The following SNF8 variants were observed in gnomAD, a reference collection of about 807,000 sequenced individuals.
SNF8 encodes SNF8 subunit of ESCRT-II.
In SNF8, 19 loss-of-function variants were observed where a neutral mutation model predicts 36.8. The observed-to-expected ratio is 0.52, with a 90% CI of 0.36 to 0.76. The LOEUF (loss-of-function observed/expected upper bound fraction) is 0.76, where lower values mean the gene tolerates loss of function less well. Ranked by LOEUF, SNF8 falls within the 30% of genes least tolerant of loss-of-function variation. The probability of loss-of-function intolerance (pLI) is 0.00; values close to 1 mark genes in which losing one functional copy is unlikely to be tolerated. For missense variants in SNF8, 268 were observed against 322.9 expected (o/e 0.83, Z 1.30); for synonymous variants, 127 against 127.4 (o/e 1.00, Z 0.02).
chr17:48,932,528 C>T (rs2040874582), intron 6 of SNF8: 1 of 152,150 alleles, frequency 6.6e-6, no homozygotes, highest in South Asian at 2.1e-4. Context: ...GGGTGGATCA[C>T]CTGAGGTCGG....
intron 5 of SNF8, chr17:48,933,673 G>A (rs1004151540): frequency 2.2e-5 from 6 of 269,172 alleles, no homozygotes; most frequent in Non-Finnish European, 4.4e-5. Context: ...GTTCAAGGCT[G>A]CAGTGAGCTG....
rs769468017 is a variant in SNF8 at position 48,933,259 on chromosome 17, CTGAA to C, written c.506_509del (p.Ile169SerfsTer24). 2.5e-6 allele frequency: 4 copies of C among 1,614,014 alleles called. No homozygotes were observed. The highest frequency in any genetic ancestry group is 3.3e-5 in the Admixed American group (2 of 59,998). ...CCATATTGAGCTCAGCTGGAACAGACTGAATGAGGTAAGTGCCGCCCACAGGGAT... is the reference window on the plus strand; with the variant it reads ...CCATATTGAGCTCAGCTGGAACAGACTGAGGTAAGTGCCGCCCACAGGGAT... On this transcript the variant is annotated frameshift_variant, in exon 6 of 8. Coordinates refer to ENST00000502492, the MANE Select transcript of SNF8 (RefSeq NM_007241.4). LOFTEE classifies it high-confidence loss of function.
chr17:48,943,820 C>T, intron 2 of SNF8, 105 bp downstream of exon 2: 1 of 1,001,878 alleles, frequency 1.0e-6, no homozygotes, highest in South Asian at 1.3e-5. Context: ...ATTTGCCAAA[C>T]ACCCTATTTC....
chr17:48,935,418 C>T (rs1208714791), intron 5 of SNF8, among the ~76,000 whole-genome samples: 1 of 151,008 alleles, frequency 6.6e-6, no homozygotes, highest in Non-Finnish European at 1.5e-5. Context: ...GAGGCTGAGG[C>T]AGGAGAATGG....
intron 3 of SNF8, 59 bp downstream of exon 3, chr17:48,940,865 G>T: frequency 6.3e-7 from 1 of 1,579,294 alleles, no homozygotes; most frequent in South Asian, 1.1e-5. Flanking sequence ...ACAACTATGT[G>T]AGCTTCTGTT....
At chr17:48,941,686 TA>T (rs1382694511) in intron 2 of SNF8, among the ~76,000 whole-genome samples, 2 of 57,782 alleles carry the variant, frequency 3.5e-5, no homozygotes, top group Non-Finnish European at 1.3e-4. Context: ...AATCAATCAA[TA>T]TTTTTTTTTT....
intron 2 of SNF8, 27 bp from the exon 3 acceptor site, chr17:48,941,089 G>A (rs762838105): frequency 2.1e-5 from 34 of 1,606,372 alleles, no homozygotes; most frequent in Non-Finnish European, 2.8e-5. Context: ...GAGTGGTGAA[G>A]GGCAGCCCAG....
chr17:48,938,372 T>C (rs768967336), intron 3 of SNF8, among the ~76,000 whole-genome samples: 1 of 151,718 alleles, frequency 6.6e-6, no homozygotes, highest in Non-Finnish European at 1.5e-5. Flanking sequence ...GGTGGGCACC[T>C]GTAATCCCAA....
chr17:48,933,153 T>C, intron 6 of SNF8, 52 bp downstream of exon 6: 1 of 1,599,524 alleles, frequency 6.3e-7, no homozygotes, highest in Non-Finnish European at 8.5e-7. Flanking sequence ...GCTCCAGACT[T>C]GCCTCACAGA....
chr17:48,942,471 C>T (rs1188610594), intron 2 of SNF8, among the ~76,000 whole-genome samples: 2 of 152,146 alleles, frequency 1.3e-5, no homozygotes, highest in Non-Finnish European at 2.9e-5. Flanking sequence ...AGCTCACAGC[C>T]CCATTTTCCT....
chr17:48,931,699 CAGTCACGT>C lies in SNF8; in HGVS notation c.575_582del (p.Tyr192CysfsTer3). 6.2e-7 allele frequency: 1 copy of C among 1,613,214 alleles called. No individual in the cohort carries two copies. Among genetic ancestry groups the C allele is most frequent in the Non-Finnish European group, 8.5e-7 (1 of 1,179,600 alleles). The stretch of plus-strand genomic sequence containing the variant: ...TTAAGACTGGCTTTGATCTCACTGA[CAGTCACGT>C]AGCCATTCTTCTGAAGGAAGGAGGA... On this transcript the variant is annotated frameshift_variant, in exon 7 of 8. Coordinates refer to ENST00000502492, the MANE Select transcript of SNF8 (RefSeq NM_007241.4). LOFTEE classifies it high-confidence loss of function.
intron 3 of SNF8, among the ~76,000 whole-genome samples, chr17:48,938,684 AT>A (rs770409713): frequency 1.2e-4 from 19 of 152,062 alleles, no homozygotes; most frequent in Non-Finnish European, 2.4e-4. Context: ...CCTGGCTAAC[AT>A]GCTGAAACCC....
chr17:48,930,649 G>T (rs1190021673), intron 7 of SNF8, 37 bp from the exon 8 acceptor site: 1 of 1,601,730 alleles, frequency 6.2e-7, no homozygotes, highest in Non-Finnish European at 8.5e-7. Context: ...TTTGAGAACA[G>T]GGAGGTTCCA....
At position 48,944,774 on chromosome 17, in the gene SNF8, C is replaced by T; in HGVS notation, c.-40G>A. The stretch of plus-strand genomic sequence containing the variant: ...CGCGGGCCGCCCGGCTGCCGGGACC[C>T]CGGGTCTCCACGTCCCGGACTCCGC... On this transcript the variant is annotated 5_prime_UTR_variant, in exon 1 of 8. Transcript: ENST00000502492. 6.3e-7 allele frequency: 1 copy of T among 1,578,160 alleles called. No individual in the cohort carries two copies. Among genetic ancestry groups the T allele is most frequent in the African/African-American group, 1.4e-5 (1 of 71,720 alleles).
In SNF8 at chr17:48,930,411, GCCC is replaced by G; in HGVS notation, c.*61_*63del. 2 of 1,399,626 alleles carry G rather than the reference GCCC, an allele frequency of 1.4e-6. No homozygotes were observed. Among genetic ancestry groups the G allele is most frequent in the Non-Finnish European group, 1.9e-6 (2 of 1,064,552 alleles). 86.7% of individuals were successfully genotyped at this position (1,399,626 alleles called of 1,614,324 possible). On this transcript the variant is annotated 3_prime_UTR_variant, in exon 8 of 8. Transcript: ENST00000502492. ...TTCTATTTTTTGTATAAACAAAATT[GCCC>G]AGGTTTATTTGCCACCTCCGCCTCC...
At chr17:48,935,143 G>A (rs911122843) in intron 5 of SNF8, among the ~76,000 whole-genome samples, 1 of 151,978 alleles carries the variant, frequency 6.6e-6, no homozygotes, top group Non-Finnish European at 1.5e-5. Flanking sequence ...AGCTGAGGCA[G>A]GCAGATCACT....
intron 3 of SNF8, 48 bp from the exon 4 acceptor site, chr17:48,937,172 CTTCTT>C: frequency 5.1e-6 from 7 of 1,375,416 alleles, no homozygotes; most frequent in Non-Finnish European, 7.3e-6. Flanking sequence ...ATTTACATCC[CTTCTT>C]TTCTTTCAAA....
intron 5 of SNF8, 43 bp downstream of exon 5, chr17:48,936,127 A>T: frequency 7.0e-7 from 1 of 1,430,892 alleles, no homozygotes; most frequent in Non-Finnish European, 9.9e-7. Flanking sequence ...TGAATTTTAA[A>T]GACCTCTTTC....
At position 48,944,641 on chromosome 17, in the gene SNF8, G is replaced by A. The variant is rs575836145; in HGVS notation, c.54+40C>T. On this transcript the variant is annotated intron_variant, in intron 1 of 7. Coordinates refer to ENST00000502492, the MANE Select transcript of SNF8 (RefSeq NM_007241.4). ...CTCCGGGACAATTCAGTCTCGCACG[G>A]GTCAGGGGCAGGTTGTGGGTCGGCC... 2.6e-5 allele frequency: 41 copies of A among 1,601,900 alleles called. No homozygotes were observed. The East Asian group carries it at 8.5e-4, about 33-fold the overall frequency.
Sources: gnomAD v4.1 joint callset for allele counts (sites outside exome capture counted in the v4.1 genomes callset) on GRCh38, gnomAD v4.1.1 for gene constraint, MANE v1.5 for transcripts, NCBI Gene and HGNC (gene_info 2026-07-23, HGNC 2026-07-21) for gene names.